ZNF697: variants seen among roughly 807,000 people sequenced by gnomAD.
ZNF697 encodes the protein zinc finger protein 697.
Under a neutral mutation model 32.4 loss-of-function variants are expected in ZNF697, and 23 were observed. The observed-to-expected ratio is 0.71, with a 90% CI of 0.51 to 1.01. The LOEUF is 1.01. ZNF697 is among the 50% of genes least tolerant of loss of function. The pLI is 0.00. For synonymous variants in ZNF697, 418 were observed against 337.2 expected (o/e 1.24, Z -2.62); for missense variants, 930 against 794.0 (o/e 1.17, Z -2.06).
In ZNF697 at chr1:119,623,025, G is replaced by A. The variant is rs201139974; in HGVS notation, c.1318C>T (p.Arg440Cys). Residue 440 changes from arginine (R) to cysteine (C), a missense_variant, in exon 3 of 3, where the codon CGC becomes TGC. Arg to Cys is a radical substitution (Grantham distance 180). Transcript: ENST00000421812. ...THSGERPYVC[R>C]ECGKGFGRNS... ...CGCCCGAAGCCCTTCCCGCACTCGC[G>A]GCACACGTAGGGCCGCTCACCCGAG... is the stretch of plus-strand genomic sequence containing the variant. 1,813 of 1,585,760 alleles carry A rather than the reference G, an allele frequency of 1.1e-3. 3 individuals are homozygous for A. Among genetic ancestry groups the A allele is most frequent in the Non-Finnish European group, 1.3e-3 (1,560 of 1,165,218 alleles).
intron 1 of ZNF697, among the ~76,000 whole-genome samples, chr1:119,635,095 T>C (rs1648884679): frequency 6.6e-6 from 1 of 152,242 alleles, no homozygotes; most frequent in South Asian, 2.1e-4. Context: ...CTTATTACAC[T>C]ACTTTATCTA....
chr1:119,632,216 T>C lies in ZNF697; in HGVS notation c.-37-6079A>G, dbSNP rs587746122. On this transcript the variant is annotated intron_variant, in intron 1 of 2. Transcript: ENST00000421812. ...GGGGATGCCTCTACTGAGCAAGGGG[T>C]AAGCACCTTACACAGAATGTGTCCA... is the stretch of plus-strand genomic sequence containing the variant. Among the ~76,000 whole-genome samples, 188 of 152,160 alleles carry C rather than the reference T, an allele frequency of 1.2e-3. 2 individuals carry two copies. Among genetic ancestry groups the C allele is most frequent in the Middle Eastern group, 3.4e-3 (1 of 294 alleles).
chr1:119,626,384 C>T (rs1648591880), intron 1 of ZNF697, among the ~76,000 whole-genome samples: 1 of 152,158 alleles, frequency 6.6e-6, no homozygotes, highest in Non-Finnish European at 1.5e-5. Context: ...TCTTGATCTT[C>T]TGGCTATGAT....
At chr1:119,624,257 T>G in intron 2 of ZNF697, 141 bp from the exon 3 acceptor site, 1 of 1,065,106 alleles carries the variant, frequency 9.4e-7, no homozygotes, top group South Asian at 2.0e-5. Context: ...CCCTGAGAGT[T>G]TAGCCTCTCT....
chr1:119,635,942 T>C (rs147127317), intron 1 of ZNF697, among the ~76,000 whole-genome samples: 1 of 151,808 alleles, frequency 6.6e-6, no homozygotes, highest in Non-Finnish European at 1.5e-5. Context: ...ACATGAGAAC[T>C]GAAAGCTCAC....
chr1:119,623,442 G>A lies in ZNF697; in HGVS notation c.901C>T (p.Arg301Cys). ...CADCGKSFSW[R>C]ADLLKHRRLH... Reference sequence around the variant, plus strand: ...CGCCGGTGCTTGAGCAGGTCGGCGCGCCAGCTGAAGCTCTTGCCGCAGTCG... The same window carrying A: ...CGCCGGTGCTTGAGCAGGTCGGCGCACCAGCTGAAGCTCTTGCCGCAGTCG... Residue 301 changes from arginine to cysteine, a missense_variant, in exon 3 of 3, where the codon CGC becomes TGC. By Grantham distance (180) the Arg-to-Cys change is radical (BLOSUM62 -3). Transcript: ENST00000421812. 1.3e-6 allele frequency: 2 copies of A among 1,545,410 alleles called. No individual in the cohort carries two copies. Among genetic ancestry groups the A allele is most frequent in the South Asian group, 1.2e-5 (1 of 84,208 alleles).
At chr1:119,633,198 C>A (rs988941081) in intron 1 of ZNF697, among the ~76,000 whole-genome samples, 1 of 152,216 alleles carries the variant, frequency 6.6e-6, no homozygotes, top group Non-Finnish European at 1.5e-5. Context: ...TGTGGCCAGA[C>A]TCTCAATTTT....
chr1:119,647,038 G>A (rs1025866762), intron 1 of ZNF697, among the ~76,000 whole-genome samples: 2 of 150,416 alleles, frequency 1.3e-5, no homozygotes, highest in Admixed American at 6.6e-5. Context: ...TTCAGCCCAG[G>A]GTTCATGTAG....
chr1:119,623,191 G>A lies in ZNF697; in HGVS notation c.1152C>T (p.Gly384=), dbSNP rs1269049110. The A allele has an allele frequency of 1.3e-6, 2 of 1,562,698 alleles. No individual in the cohort carries two copies. The highest frequency in any genetic ancestry group is 1.4e-5 in the African/African-American group (1 of 73,068). The change falls in exon 3 of 3, where the codon GGC becomes GGT. Residue 384 remains glycine, a synonymous_variant. Transcript: ENST00000421812. ...IHTGEKPHGC[G]ECGKRFSWRS... is the part of the protein sequence containing the mutation. Reference sequence around the variant, plus strand: ...GCCAGCTGAAGCGCTTGCCGCACTCGCCACAGCCGTGCGGCTTCTCGCCCG... The same window carrying A: ...GCCAGCTGAAGCGCTTGCCGCACTCACCACAGCCGTGCGGCTTCTCGCCCG...
In ZNF697 at chr1:119,622,990, G is replaced by A; in HGVS notation, c.1353C>T (p.His451=). Residue 451 remains histidine, a synonymous_variant, in exon 3 of 3, where the codon CAC becomes CAT. Coordinates refer to ENST00000421812, the MANE Select transcript of ZNF697 (RefSeq NM_001080470.2). ...TGTGCACGCGCAGGTGGTTCACCAG[G>A]TGCGAGTTACGCCCGAAGCCCTTCC... ...ECGKGFGRNS[H]LVNHLRVHTG... 1.3e-6 allele frequency: 2 copies of A among 1,596,424 alleles called. No individual in the cohort carries two copies. Among genetic ancestry groups the A allele is most frequent in the Non-Finnish European group, 1.7e-6 (2 of 1,169,460 alleles).
intron 1 of ZNF697, among the ~76,000 whole-genome samples, chr1:119,626,729 A>G (rs1044623482): frequency 2.0e-5 from 3 of 152,240 alleles, no homozygotes; most frequent in African/African-American, 4.8e-5. Context: ...GTCTAAGACC[A>G]TGTCACCAAC....
At chr1:119,630,750 T>A (rs1648737837) in intron 1 of ZNF697, among the ~76,000 whole-genome samples, 3 of 152,124 alleles carry the variant, frequency 2.0e-5, no homozygotes, top group Non-Finnish European at 4.4e-5. Context: ...TAGTCCCAGC[T>A]ACTTGGGAGG....
At chr1:119,639,621 G>A (rs2101093930) in intron 1 of ZNF697, among the ~76,000 whole-genome samples, 1 of 151,648 alleles carries the variant, frequency 6.6e-6, no homozygotes, top group African/African-American at 2.4e-5. Context: ...GCTCACGCCT[G>A]TAATCCCAGC....
chr1:119,622,702 C>A lies in ZNF697; in HGVS notation c.*3G>T. The A allele has an allele frequency of 6.6e-7, 1 of 1,516,560 alleles. No individual in the cohort carries two copies. The allele number at this position is 1,516,560 out of a possible 1,614,324, so 93.9% of individuals were successfully genotyped here. A position where few individuals can be genotyped will look rare whatever the true frequency, so the allele number is the denominator to read the frequency against. On this transcript the variant is annotated 3_prime_UTR_variant, in exon 3 of 3. Coordinates refer to ENST00000421812, the MANE Select transcript of ZNF697 (RefSeq NM_001080470.2). ...AGACGGCAGCCTCCCGCGGACCCAG[C>A]CCCTAACACAGGTGCAGCTTCTGGT...
Position 119,623,539 on chromosome 1 carries a change from C to T in ZNF697, c.804G>A (p.Lys268=), listed in dbSNP as rs1437109172. The T allele has an allele frequency of 1.9e-6, 3 of 1,547,152 alleles. No individual in the cohort carries two copies. Among genetic ancestry groups the T allele is most frequent in the Non-Finnish European group, 2.6e-6 (3 of 1,148,806 alleles). The stretch of plus-strand genomic sequence containing the variant: ...TCAGGTAGGTGTTGCGGCTGAAGCC[C>T]TTGCCGCACTCCCCGCAGCGGAAGG... ...EKPFRCGECG[K]GFSRNTYLTN... The change falls in exon 3 of 3, where the codon AAG becomes AAA. Residue 268 remains lysine, a synonymous_variant. Transcript: ENST00000421812.
At chr1:119,628,001 G>C (rs77916975) in intron 1 of ZNF697, among the ~76,000 whole-genome samples, 167 of 146,500 alleles carry the variant, frequency 1.1e-3, no homozygotes, top group African/African-American at 3.6e-3. Flanking sequence ...CTAGGCAAGA[G>C]TAGTGTCATT....
intron 1 of ZNF697, among the ~76,000 whole-genome samples, chr1:119,633,619 A>G (rs993311495): frequency 2.0e-5 from 3 of 152,158 alleles, no homozygotes; most frequent in African/African-American, 7.2e-5. Flanking sequence ...AAGTCCACTG[A>G]TTTATATGTT....
Position 119,623,306 on chromosome 1 carries a change from C to A in ZNF697, c.1037G>T (p.Gly346Val). 1 of 1,328,056 alleles carries A rather than the reference C, an allele frequency of 7.5e-7. No homozygotes were observed. Among genetic ancestry groups the A allele is most frequent in the East Asian group, 3.3e-5 (1 of 30,180 alleles). 82.3% of individuals were successfully genotyped at this position (1,328,056 alleles called of 1,614,324 possible). A position where few individuals can be genotyped will look rare whatever the true frequency, so the allele number is the denominator to read the frequency against. Residue 346 changes from glycine (G) to valine (V), a missense_variant, in exon 3 of 3, where the codon GGG becomes GTG. By Grantham distance (109) the Gly-to-Val change is moderately radical. Transcript: ENST00000421812. The part of the protein sequence containing the change: ...RRAHAAASGA[G>V]AAALRPFACG... ...GGCGAAGGGCCGCAGCGCCGCCGCC[C>A]CCGCGCCGCTGGCCGCCGCGTGCGC...
At chr1:119,626,762 T>C (rs905691473) in intron 1 of ZNF697, among the ~76,000 whole-genome samples, 5 of 152,198 alleles carry the variant, frequency 3.3e-5, no homozygotes, top group Admixed American at 6.5e-5. Context: ...CTGGCTTTTG[T>C]AGTGAGGATC....
Sources: gnomAD v4.1 joint callset for allele counts (sites outside exome capture counted in the v4.1 genomes callset) on GRCh38, gnomAD v4.1.1 for gene constraint, MANE v1.5 for transcripts, NCBI Gene and HGNC (gene_info 2026-07-23, HGNC 2026-07-21) for gene names.